The following KIF16B variants were observed in gnomAD, a reference collection of about 807,000 sequenced individuals.
KIF16B encodes the protein kinesin-like protein KIF16B.
KIF16B carries 98 observed loss-of-function variants against 156.3 expected under a neutral mutation model. That is an observed-to-expected ratio of 0.63 (90% CI 0.53 to 0.74). KIF16B has a LOEUF of 0.74. Among genes scored for constraint, KIF16B ranks in the 30% least tolerant of loss-of-function variants. KIF16B has a pLI of 0.00. For synonymous variants in KIF16B, 564 were observed against 583.7 expected, an observed-to-expected ratio of 0.97 and a Z score of 0.49; for missense variants, 1,421 against 1,606.5, an observed-to-expected ratio of 0.88 and a Z score of 1.97.
chr20:16,317,005 A>T (rs2063708315), intron 24 of KIF16B, among the ~76,000 whole-genome samples: 1 of 152,232 alleles, frequency 6.6e-6, no homozygotes, highest in African/African-American at 2.4e-5. Flanking sequence ...TTCAGAGAAG[A>T]TGTGATTCTG....
At chr20:16,483,398 AC>A (rs2068032453) in intron 12 of KIF16B, among the ~76,000 whole-genome samples, 1 of 152,254 alleles carries the variant, frequency 6.6e-6, no homozygotes, top group Non-Finnish European at 1.5e-5. Flanking sequence ...CGTCTAAGTA[AC>A]ACCAGCTTGT....
chr20:16,370,506 A>G, intron 22 of KIF16B, 80 bp downstream of exon 22: 1 of 1,182,210 alleles, frequency 8.5e-7, no homozygotes, highest in Non-Finnish European at 1.2e-6. Context: ...TAATTATGCA[A>G]CTAGACATTA....
At chr20:16,415,375 T>C (rs1303427219) in intron 15 of KIF16B, among the ~76,000 whole-genome samples, 1 of 152,142 alleles carries the variant, frequency 6.6e-6, no homozygotes, top group Non-Finnish European at 1.5e-5. Flanking sequence ...TATTGTTCCT[T>C]CCGAAATAGT....
At chr20:16,522,746 T>G (rs149670623) in intron 3 of KIF16B, among the ~76,000 whole-genome samples, 200 of 152,260 alleles carry the variant, frequency 1.3e-3, no homozygotes, top group Non-Finnish European at 2.6e-3. Context: ...ACACTTACTC[T>G]AAAATTGACC....
intron 12 of KIF16B, among the ~76,000 whole-genome samples, chr20:16,466,023 A>G (rs2067481078): frequency 6.6e-6 from 1 of 152,256 alleles, no homozygotes; most frequent in Admixed American, 6.5e-5. Flanking sequence ...CACAGATTTT[A>G]GAAGTGCAGG....
chr20:16,547,335 C>T (rs915873580), intron 1 of KIF16B, among the ~76,000 whole-genome samples: 1 of 152,226 alleles, frequency 6.6e-6, no homozygotes, highest in African/African-American at 2.4e-5. Context: ...ATGGCTCATG[C>T]CCTTAGATGG....
intron 12 of KIF16B, among the ~76,000 whole-genome samples, chr20:16,490,843 A>T (rs6044022): frequency 0.23 from 34,527 of 152,080 alleles, 4,514 homozygotes; most frequent in East Asian, 0.37. Context: ...CTTGATACTA[A>T]CCTAATCCCA....
intron 15 of KIF16B, among the ~76,000 whole-genome samples, chr20:16,411,929 C>CGTGTGTGTGTGTGTGTGT (rs36019156): frequency 3.7e-5 from 5 of 134,040 alleles, no homozygotes; most frequent in African/African-American, 1.1e-4. Context: ...GAATGTTCAA[C>CGTGTGTGTGTGTGTGTGT]GTGTGTGTGT....
intron 17 of KIF16B, among the ~76,000 whole-genome samples, chr20:16,393,105 TTC>T (rs1480955006): frequency 1.3e-5 from 2 of 152,186 alleles, no homozygotes; most frequent in African/African-American, 4.8e-5. Flanking sequence ...GCAATCTCAA[TTC>T]TGTTTTTTAA....
chr20:16,408,073 C>T (rs1039361075), intron 15 of KIF16B, among the ~76,000 whole-genome samples: 1 of 152,104 alleles, frequency 6.6e-6, no homozygotes, highest in Non-Finnish European at 1.5e-5. Context: ...TATCATAATA[C>T]CAGATATCTA....
chr20:16,534,767 A>G (rs993861818), intron 1 of KIF16B, among the ~76,000 whole-genome samples: 1 of 151,294 alleles, frequency 6.6e-6, no homozygotes, highest in African/African-American at 2.4e-5. Context: ...AGAGAGCCCC[A>G]ATGTACGTTC....
At chr20:16,478,625 C>G (rs2067886858) in intron 12 of KIF16B, among the ~76,000 whole-genome samples, 1 of 152,132 alleles carries the variant, frequency 6.6e-6, no homozygotes, top group Non-Finnish European at 1.5e-5. Context: ...GCTGTATTTC[C>G]CCCCAGACTA....
chr20:16,474,305 C>T (rs892099924), intron 12 of KIF16B, among the ~76,000 whole-genome samples: 6 of 152,182 alleles, frequency 3.9e-5, no homozygotes, highest in Admixed American at 6.5e-5. Flanking sequence ...GTTTCTTACC[C>T]GCTCCAGCCT....
At chr20:16,560,829 G>A (rs1189768531) in intron 1 of KIF16B, among the ~76,000 whole-genome samples, 1 of 152,080 alleles carries the variant, frequency 6.6e-6, no homozygotes, top group African/African-American at 2.4e-5. Flanking sequence ...AGAGGAAACG[G>A]AATTGGCAGT....
At chr20:16,445,962 T>C (rs976938626) in intron 12 of KIF16B, among the ~76,000 whole-genome samples, 3 of 152,150 alleles carry the variant, frequency 2.0e-5, no homozygotes, top group East Asian at 1.9e-4. Context: ...TGGATTAAAA[T>C]ATGAAAAAAT....
chr20:16,561,666 C>G (rs766464091), intron 1 of KIF16B, among the ~76,000 whole-genome samples: 1 of 152,034 alleles, frequency 6.6e-6, no homozygotes, highest in Non-Finnish European at 1.5e-5. Flanking sequence ...ACCTTAACCA[C>G]GTAATCAAGG....
At chr20:16,336,392 C>CT (rs1352343485) in intron 23 of KIF16B, among the ~76,000 whole-genome samples, 1 of 152,044 alleles carries the variant, frequency 6.6e-6, no homozygotes, top group Non-Finnish European at 1.5e-5. Context: ...GTATATTTTG[C>CT]TTTTTTTCAG....
At chr20:16,285,653 C>CA (rs34856616) in intron 25 of KIF16B, among the ~76,000 whole-genome samples, 7,963 of 151,998 alleles carry the variant, frequency 0.052, 268 homozygotes, top group African/African-American at 0.1. Context: ...CTTGTCTCTA[C>CA]AAAAAATACA....
chr20:16,379,651 ACC>A lies in KIF16B; in HGVS notation c.2349_2350del (p.Glu783AspfsTer30). On this transcript the variant is annotated frameshift_variant, in exon 19 of 26. Transcript: ENST00000354981. LOFTEE classifies it high-confidence loss of function. ...CCTCTTCTCCTCTTCCACCCACTGT[ACC>A]TCCCCACGCCGCAGGAGCTGGATCA... 1 of 1,612,422 alleles carries A rather than the reference ACC, an allele frequency of 6.2e-7. No homozygotes were observed. Among genetic ancestry groups the A allele is most frequent in the East Asian group, 2.2e-5 (1 of 44,778 alleles).
Sources: allele counts gnomAD v4.1 joint callset (sites outside exome capture counted in the v4.1 genomes callset), GRCh38; gene constraint gnomAD v4.1.1; transcripts MANE v1.5; gene names NCBI Gene and HGNC (gene_info 2026-07-23, HGNC 2026-07-21).